SAMD5: variants seen among roughly 807,000 people sequenced by gnomAD.
SAMD5 encodes sterile alpha motif domain containing 5, also known as sterile alpha motif domain-containing protein 5.
Under a neutral mutation model 11.3 loss-of-function variants are expected in SAMD5, and 13 were observed. The observed-to-expected ratio is 1.15, with a 90% CI of 0.75 to 1.83. The LOEUF (loss-of-function observed/expected upper bound fraction) is 1.83, where lower values mean the gene tolerates loss of function less well. Among genes scored for constraint, SAMD5 ranks in the 40% most tolerant of loss-of-function variants. SAMD5 has a pLI of 0.00. For missense variants in SAMD5, 255 were observed against 239.1 expected (o/e 1.07, Z -0.44); for synonymous variants, 129 against 111.3 (o/e 1.16, Z -1.00).
the SAMD5 span, among the ~76,000 whole-genome samples, chr6:147,861,588 T>G: frequency 6.6e-6 from 1 of 152,190 alleles, no homozygotes. Context: ...AAACTCATTT[T>G]CATTAGCTCT....
chr6:147,900,924 C>G, the SAMD5 span, among the ~76,000 whole-genome samples: 18 of 152,086 alleles, frequency 1.2e-4, no homozygotes, highest in African/African-American at 4.3e-4. Context: ...TTTAGAATCA[C>G]AAAAAAATTT....
At chr6:147,934,796 C>G in the SAMD5 span, among the ~76,000 whole-genome samples, 1 of 152,068 alleles carries the variant, frequency 6.6e-6, no homozygotes. Flanking sequence ...AAGGGGGAAA[C>G]ATATTTACAT....
At chr6:147,720,531 G>A (rs1373134019) in intron 1 of SAMD5, among the ~76,000 whole-genome samples, 1 of 151,774 alleles carries the variant, frequency 6.6e-6, no homozygotes, top group Non-Finnish European at 1.5e-5. Context: ...TCTACCTTGT[G>A]TAGAAACGAT....
chr6:147,847,286 A>G, the SAMD5 span, among the ~76,000 whole-genome samples: 183 of 152,344 alleles, frequency 1.2e-3, no homozygotes, highest in African/African-American at 4.3e-3. Context: ...GTTCTCATTT[A>G]TAAGAGTCAG....
chr6:147,704,871 G>A (rs1246406808), intron 1 of SAMD5, among the ~76,000 whole-genome samples: 1 of 152,208 alleles, frequency 6.6e-6, no homozygotes, highest in African/African-American at 2.4e-5. Flanking sequence ...CCCGAATCAT[G>A]TTACCAGTCT....
chr6:147,566,891 T>C lies in SAMD5; in HGVS notation c.*2435T>C, dbSNP rs1789050551. 1.0e-6 allele frequency: 1 copy of C among 956,888 alleles called. No individual in the cohort carries two copies. The highest frequency in any genetic ancestry group is 1.2e-6 in the Non-Finnish European group (1 of 804,444). 59.3% of individuals were successfully genotyped at this position (956,888 alleles called of 1,614,324 possible). A position where few individuals can be genotyped will look rare whatever the true frequency, so the allele number is the denominator to read the frequency against. ...ATGAATTGTATCTGGGGACAGTTAG[T>C]CTTAGAAGGAGTAATTTTTTCAGCG... On this transcript the variant is annotated 3_prime_UTR_variant, in exon 2 of 2. Coordinates refer to ENST00000367474, the MANE Select transcript of SAMD5 (RefSeq NM_001030060.3).
the SAMD5 span, among the ~76,000 whole-genome samples, chr6:147,838,778 G>C: frequency 6.6e-6 from 1 of 152,226 alleles, no homozygotes; most frequent in Admixed American, 6.5e-5. Context: ...GAACTTGTGA[G>C]GCATACTCAC....
chr6:147,793,909 T>A, the SAMD5 span, among the ~76,000 whole-genome samples: 1 of 152,158 alleles, frequency 6.6e-6, no homozygotes, highest in Non-Finnish European at 1.5e-5. Context: ...TGCCTTTCCA[T>A]ATAAATTTTA....
intron 1 of SAMD5, among the ~76,000 whole-genome samples, chr6:147,559,223 T>C (rs898994668): frequency 6.6e-6 from 1 of 152,230 alleles, no homozygotes; most frequent in African/African-American, 2.4e-5. Flanking sequence ...GGTGTTCTTT[T>C]GTGTAGGAAG....
rs770537446 is a variant in SAMD5 at position 147,595,522 on chromosome 6, C to CTTT, written c.162+86155_162+86157dup. Among the ~76,000 whole-genome samples the CTTT allele has an allele frequency of 4.7e-4, 50 of 106,650 alleles. 1 individual carries two copies. The highest frequency in any genetic ancestry group is 1.9e-3 in the East Asian group (6 of 3,128). The allele number at this position is 106,650 out of a possible 152,430, so 70.0% of individuals were successfully genotyped here. A position where few individuals can be genotyped will look rare whatever the true frequency, so the allele number is the denominator to read the frequency against. ...CCGTTTTTAGTAGTGACTAAACTACCTTTTTTTTTTTTTTTTTTTTTTGAG... is the reference window on the plus strand; with the variant it reads ...CCGTTTTTAGTAGTGACTAAACTACCTTTTTTTTTTTTTTTTTTTTTTTTTGAG... On this transcript the variant is annotated intron_variant, in intron 1 of 1. Coordinates refer to the SAMD5 transcript ENST00000566741.
chr6:147,924,453 C>A, the SAMD5 span, among the ~76,000 whole-genome samples: 1 of 152,088 alleles, frequency 6.6e-6, no homozygotes, highest in South Asian at 2.1e-4. Flanking sequence ...ACATTTATGG[C>A]CTGTAATCAT....
chr6:147,943,515 G>GCTCCTC, the SAMD5 span, among the ~76,000 whole-genome samples: 2 of 150,872 alleles, frequency 1.3e-5, no homozygotes, highest in African/African-American at 4.9e-5. Flanking sequence ...CATTCTGAGG[G>GCTCCTC]CTCCTCCTCC....
At chr6:147,953,521 T>A in the SAMD5 span, 3 of 152,218 alleles carry the variant, frequency 2.0e-5, no homozygotes, top group South Asian at 6.2e-4. Flanking sequence ...TGCATCAAAC[T>A]GAGTTTTAAA....
intron 1 of SAMD5, among the ~76,000 whole-genome samples, chr6:147,529,589 T>G (rs950864692): frequency 1.3e-4 from 20 of 152,210 alleles, no homozygotes; most frequent in African/African-American, 2.9e-4. Flanking sequence ...ATAGGAAGCC[T>G]TCCAGAAGGT....
intron 1 of SAMD5, among the ~76,000 whole-genome samples, chr6:147,548,000 TTAA>T (rs1392284831): frequency 6.6e-6 from 1 of 152,228 alleles, no homozygotes; most frequent in African/African-American, 2.4e-5. Context: ...CAGAAAATAC[TTAA>T]AGAGCAACTT....
the SAMD5 span, among the ~76,000 whole-genome samples, chr6:147,762,472 T>G: frequency 2.6e-5 from 4 of 152,072 alleles, no homozygotes; most frequent in East Asian, 7.7e-4. Context: ...GTGCTGGGAT[T>G]ACAGGCATGA....
the SAMD5 span, among the ~76,000 whole-genome samples, chr6:147,761,966 G>C: frequency 6.6e-6 from 1 of 152,090 alleles, no homozygotes; most frequent in Non-Finnish European, 1.5e-5. Context: ...ACCAGCCTCA[G>C]CCTTCCAAAG....
intron 1 of SAMD5, among the ~76,000 whole-genome samples, chr6:147,613,754 G>A (rs1218339484): frequency 6.6e-6 from 1 of 151,970 alleles, no homozygotes; most frequent in Non-Finnish European, 1.5e-5. Context: ...AAGGGGGAAG[G>A]ATGGAGAAAG....
intron 1 of SAMD5, among the ~76,000 whole-genome samples, chr6:147,535,023 T>A (rs1788485856): frequency 6.6e-6 from 1 of 152,184 alleles, no homozygotes. Context: ...ATGAAGTCAG[T>A]TAAGTTAGAT....
Sources: allele counts gnomAD v4.1 joint callset (sites outside exome capture counted in the v4.1 genomes callset), GRCh38; gene constraint gnomAD v4.1.1; transcripts MANE v1.5; gene names NCBI Gene and HGNC (gene_info 2026-07-23, HGNC 2026-07-21).